Variants in PCBP3 observed in about 807,000 individuals in gnomAD.
The protein encoded by PCBP3 is poly(rC) binding protein 3.
A neutral mutation model predicts 52.7 loss-of-function variants in PCBP3; 25 were observed. That is an observed-to-expected ratio of 0.47 (90% CI 0.35 to 0.66). PCBP3 has a LOEUF of 0.66. Ranked by LOEUF, PCBP3 falls within the 30% of genes least tolerant of loss-of-function variation. The probability of loss-of-function intolerance (pLI) is 0.01; values close to 1 mark genes in which losing one functional copy is unlikely to be tolerated. For missense variants in PCBP3, 391 were observed against 490.3 expected (o/e 0.80, Z 1.91); for synonymous variants, 162 against 183.0 (o/e 0.89, Z 0.93).
Position 45,656,222 on chromosome 21 carries a change from A to G in PCBP3, c.-279+12354A>G, listed in dbSNP as rs1325867515. Among the ~76,000 whole-genome samples the G allele has an allele frequency of 6.6e-6, 1 of 152,234 alleles. No individual in the cohort carries two copies. The highest frequency in any genetic ancestry group is 1.5e-5 in the Non-Finnish European group (1 of 68,052). ...TGTTTATTGCAGCATTGTTCACGAT[A>G]GCAAAGACTTGGAACCCACCCAAAT... On this transcript the variant is annotated intron_variant, in intron 1 of 17. Coordinates refer to ENST00000681687, the MANE Select transcript of PCBP3 (RefSeq NM_001384156.1). The surrounding 1 kb of genome is among the most constrained non-coding windows in gnomAD (Gnocchi z 4.3).
At chr21:45,879,173 T>C (rs1055593935) in intron 5 of PCBP3, among the ~76,000 whole-genome samples, 3 of 152,100 alleles carry the variant, frequency 2.0e-5, no homozygotes, top group African/African-American at 7.2e-5. Flanking sequence ...TTCGTAGAGA[T>C]GAGGTCTCTC....
At chr21:45,844,946 T>C (rs1350200717) in intron 4 of PCBP3, among the ~76,000 whole-genome samples, 1 of 151,392 alleles carries the variant, frequency 6.6e-6, no homozygotes, top group Non-Finnish European at 1.5e-5. Flanking sequence ...ATATATGCTT[T>C]ATTTAAGGTT....
intron 5 of PCBP3, among the ~76,000 whole-genome samples, chr21:45,883,504 G>A (rs376693386): frequency 1.3e-5 from 2 of 152,268 alleles, no homozygotes; most frequent in African/African-American, 4.8e-5. Context: ...AGCTGTCGTT[G>A]TGGATTTTTA....
rs2084883225 is a variant in PCBP3, at chr21:45,724,458, G to T, written c.-199-10934G>T. 6.6e-6 allele frequency among the ~76,000 whole-genome samples: 1 copy of T among 152,156 alleles called. No individual in the cohort carries two copies. Among genetic ancestry groups the T allele is most frequent in the Non-Finnish European group, 1.5e-5 (1 of 68,032 alleles). ...ATCCTCTCCCAACGGGGCAGCCCCA[G>T]AAGCCAACACTGCATGTTGGAAGGA... is the stretch of plus-strand genomic sequence containing the variant. On this transcript the variant is annotated intron_variant, in intron 2 of 17. Coordinates refer to ENST00000681687, the MANE Select transcript of PCBP3 (RefSeq NM_001384156.1). This position sits in a 1 kb window ranked among gnomAD's most constrained non-coding sequence, Gnocchi z 5.3.
intron 11 of PCBP3, among the ~76,000 whole-genome samples, chr21:45,912,589 G>A (rs2096418833): frequency 6.6e-6 from 1 of 152,158 alleles, no homozygotes; most frequent in Admixed American, 6.5e-5. Flanking sequence ...TGCCCACCCA[G>A]GGCCCAGCAC....
intron 4 of PCBP3, among the ~76,000 whole-genome samples, chr21:45,776,629 G>A (rs2090283232): frequency 6.6e-6 from 1 of 151,854 alleles, no homozygotes; most frequent in East Asian, 1.9e-4. Context: ...TAATGACTTT[G>A]TCTTTTACCT....
intron 5 of PCBP3, among the ~76,000 whole-genome samples, chr21:45,882,380 T>C (rs931671952): frequency 6.6e-6 from 1 of 152,234 alleles, no homozygotes; most frequent in Non-Finnish European, 1.5e-5. Flanking sequence ...CTGGTATTTG[T>C]TTTCTTGCTA....
At chr21:45,646,098 T>TCTCG (rs2079269101) in intron 1 of PCBP3, among the ~76,000 whole-genome samples, 2 of 95,840 alleles carry the variant, frequency 2.1e-5, no homozygotes, top group African/African-American at 7.3e-5. Flanking sequence ...TCTCTCTCTC[T>TCTCG]CTCTCTCTCT....
In PCBP3 at chr21:45,662,447, A is replaced by G. The variant is rs1180826233; in HGVS notation, c.-278-6427A>G. On this transcript the variant is annotated intron_variant, in intron 1 of 17. Coordinates refer to ENST00000681687, the MANE Select transcript of PCBP3 (RefSeq NM_001384156.1). ...TGCATTTGCTTTTGAGGTCTTAGTC[A>G]TGAATTATTTGCCTAGGCCAATGTC... Among the ~76,000 whole-genome samples, 3 of 151,820 alleles carry G rather than the reference A, an allele frequency of 2.0e-5. No individual in the cohort carries two copies. The East Asian group carries it at 5.8e-4, about 29-fold the overall frequency.
At chr21:45,714,252 C>T (rs986024686) in intron 2 of PCBP3, among the ~76,000 whole-genome samples, 1 of 152,176 alleles carries the variant, frequency 6.6e-6, no homozygotes, top group Non-Finnish European at 1.5e-5. Context: ...TGTCTCAGTG[C>T]TTATTTGACA....
intron 5 of PCBP3, among the ~76,000 whole-genome samples, chr21:45,860,366 A>G (rs2094463577): frequency 6.6e-6 from 1 of 152,254 alleles, no homozygotes; most frequent in Non-Finnish European, 1.5e-5. Flanking sequence ...CGAAAGTTGC[A>G]TGTTGGCAGG....
At position 45,751,192 on chromosome 21, in the gene PCBP3, T is replaced by C. The variant is rs74453249; in HGVS notation, c.-161-4225T>C. The C allele has an allele frequency of 2.0e-5, 3 of 152,278 alleles. No individual in the cohort carries two copies. The East Asian group carries it at 5.8e-4, about 29-fold the overall frequency. The allele number at this position is 152,278 out of a possible 1,614,324, so 9.4% of individuals were successfully genotyped here. On this transcript the variant is annotated intron_variant, in intron 3 of 17. Transcript: ENST00000681687. ...CACCTCAGGAGCTGTTTGTTAAACGTTTGCTGGCATACCTCTAGGCAAACA... is the reference window on the plus strand; with the variant it reads ...CACCTCAGGAGCTGTTTGTTAAACGCTTGCTGGCATACCTCTAGGCAAACA...
chr21:45,683,018 C>T (rs991255512), intron 2 of PCBP3, among the ~76,000 whole-genome samples: 10 of 151,764 alleles, frequency 6.6e-5, no homozygotes, highest in Admixed American at 6.6e-5. Flanking sequence ...GGAAGGAATC[C>T]GAAACAAAAC....
Position 45,837,383 on chromosome 21 carries a change from C to T in PCBP3, c.-125-12578C>T, listed in dbSNP as rs910643325. On this transcript the variant is annotated intron_variant, in intron 4 of 17. Coordinates refer to ENST00000681687, the MANE Select transcript of PCBP3 (RefSeq NM_001384156.1). The surrounding 1 kb of genome is among the most constrained non-coding windows in gnomAD (Gnocchi z 4.1). ...TTATGTGACATCTGTGTGCAAGCCA[C>T]AGGCAGCAGCACAGCGCTGCAGAGC... Among the ~76,000 whole-genome samples, 1 of 152,256 alleles carries T rather than the reference C, an allele frequency of 6.6e-6. No homozygotes were observed. The highest frequency in any genetic ancestry group is 1.5e-5 in the Non-Finnish European group (1 of 68,048).
chr21:45,709,662 C>T (rs900039783), intron 2 of PCBP3, among the ~76,000 whole-genome samples: 1 of 152,146 alleles, frequency 6.6e-6, no homozygotes, highest in Admixed American at 6.5e-5. Flanking sequence ...GTAAACCCCA[C>T]ATCCAGTTTA....
intron 3 of PCBP3, among the ~76,000 whole-genome samples, chr21:45,738,486 C>T (rs2086065762): frequency 6.6e-6 from 1 of 152,266 alleles, no homozygotes; most frequent in East Asian, 1.9e-4. Flanking sequence ...GATCTCCTGA[C>T]CTCGTGATCC....
rs766324605 is a variant in PCBP3 at position 45,909,393 on chromosome 21, C to G, written c.378C>G (p.Ser126Arg). The G allele has an allele frequency of 6.2e-7, 1 of 1,613,370 alleles. No homozygotes were observed. Among genetic ancestry groups the G allele is most frequent in the Non-Finnish European group, 8.5e-7 (1 of 1,179,782 alleles). ...CCATGAGCAACAGCCCTGCCACCAGCAAGCCCCCAGTGACGCTGAGGCTGG... is the reference window on the plus strand; with the variant it reads ...CCATGAGCAACAGCCCTGCCACCAGGAAGCCCCCAGTGACGCTGAGGCTGG... ...INSMSNSPAT[S>R]KPPVTLRLVV... Residue 126 changes from serine to arginine, a missense_variant, in exon 10 of 18, where the codon AGC (serine) becomes AGG (arginine). Ser to Arg is a moderately radical substitution (Grantham distance 110). Transcript: ENST00000681687.
intron 11 of PCBP3, among the ~76,000 whole-genome samples, chr21:45,911,753 C>T (rs1397751422): frequency 2.0e-5 from 3 of 152,218 alleles, no homozygotes; most frequent in Non-Finnish European, 4.4e-5. Flanking sequence ...CTCCTGCAGC[C>T]CAGGCTCACT....
chr21:45,738,721 C>A (rs1474827663), intron 3 of PCBP3, among the ~76,000 whole-genome samples: 2 of 151,408 alleles, frequency 1.3e-5, no homozygotes, highest in Non-Finnish European at 3.0e-5. Flanking sequence ...GTAGCCCCCC[C>A]ATCTTCATCA....
Sources: gnomAD v4.1 joint callset for allele counts (sites outside exome capture counted in the v4.1 genomes callset) on GRCh38, gnomAD v4.1.1 for gene constraint, Gnocchi (gnomAD v3.1) non-coding constraint, MANE v1.5 for transcripts, NCBI Gene and HGNC (gene_info 2026-07-23, HGNC 2026-07-21) for gene names.